Variants in NTM observed in about 807,000 individuals in gnomAD.
The protein encoded by NTM is IgLON family member 2.
A neutral mutation model predicts 42.1 loss-of-function variants in NTM; 13 were observed. The ratio of observed to expected loss-of-function variants is 0.31; its 90% CI spans 0.20 to 0.49. The LOEUF (loss-of-function observed/expected upper bound fraction) is 0.49, where lower values mean the gene tolerates loss of function less well. Among genes scored for constraint, NTM ranks in the 20% least tolerant of loss-of-function variants. NTM has a pLI of 0.99. For synonymous variants in NTM, 187 were observed against 179.2 expected, an observed-to-expected ratio of 1.04 and a Z score of -0.35; for missense variants, 373 against 452.8, an observed-to-expected ratio of 0.82 and a Z score of 1.60.
At chr11:131,854,399 A>G (rs1468881881) in intron 1 of NTM, among the ~76,000 whole-genome samples, 2 of 152,256 alleles carry the variant, frequency 1.3e-5, no homozygotes, top group Non-Finnish European at 2.9e-5. Context: ...AAAGAGATGT[A>G]CAGGATAGCT....
chr11:131,893,004 A>G (rs2051622234), intron 1 of NTM, among the ~76,000 whole-genome samples: 1 of 152,178 alleles, frequency 6.6e-6, no homozygotes, highest in African/African-American at 2.4e-5. Flanking sequence ...TTGGACTTTG[A>G]GCTCTTGTTG....
chr11:132,079,108 A>G (rs10894493), intron 2 of NTM, among the ~76,000 whole-genome samples: 38,632 of 152,110 alleles, frequency 0.25, 5,256 homozygotes, highest in African/African-American at 0.33. Flanking sequence ...TGCTTCTGTT[A>G]CAGAACCAGC....
intron 2 of NTM, among the ~76,000 whole-genome samples, chr11:132,095,969 G>A (rs1014886596): frequency 1.3e-5 from 2 of 152,164 alleles, no homozygotes; most frequent in Non-Finnish European, 2.9e-5. Context: ...TGCCCTAACT[G>A]CTGCAGCATC....
At chr11:131,588,250 A>C (rs2059053704) in intron 1 of NTM, among the ~76,000 whole-genome samples, 1 of 152,266 alleles carries the variant, frequency 6.6e-6, no homozygotes, top group Non-Finnish European at 1.5e-5. Flanking sequence ...AGGCGTCTGC[A>C]CAGGGCTTCC....
intron 2 of NTM, among the ~76,000 whole-genome samples, chr11:131,934,081 C>T (rs1017928309): frequency 6.6e-6 from 1 of 152,150 alleles, no homozygotes; most frequent in African/African-American, 2.4e-5. Flanking sequence ...TTCTAAACAA[C>T]AGCACTGGTC....
intron 3 of NTM, among the ~76,000 whole-genome samples, chr11:132,158,426 C>T (rs892008178): frequency 6.6e-6 from 1 of 152,222 alleles, no homozygotes; most frequent in Non-Finnish European, 1.5e-5. Context: ...CACCCTAGCA[C>T]CTTTCTTGCC....
At chr11:132,113,825 A>G (rs962152394) in intron 2 of NTM, among the ~76,000 whole-genome samples, 2 of 152,184 alleles carry the variant, frequency 1.3e-5, no homozygotes, top group South Asian at 4.1e-4. Flanking sequence ...TGGGAGGACT[A>G]GAGAGACAAA....
In NTM at chr11:131,708,783, G is replaced by C. The variant is rs377461455; in HGVS notation, c.83-202781G>C. Among the ~76,000 whole-genome samples, 294 of 152,244 alleles carry C rather than the reference G, an allele frequency of 1.9e-3. No homozygotes were observed. The Middle Eastern group carries it at 0.02, about 11-fold the overall frequency. ...AATGAACCAAACAACAAAAGCCTTT[G>C]CTCTTCAGAAACTTACATTTTTGCT... On this transcript the variant is annotated intron_variant, in intron 1 of 8. Transcript: ENST00000683400.
chr11:132,058,942 G>A lies in NTM; in HGVS notation c.168-87340G>A, dbSNP rs112929781. On this transcript the variant is annotated intron_variant, in intron 2 of 8. Coordinates refer to ENST00000683400, the MANE Select transcript of NTM (RefSeq NM_001352005.2). ...TGTGTGATAGATATTGTGAAAATGT[G>A]AAGTAGAGGAGGAGTGAGAGGGAAT... is the stretch of plus-strand genomic sequence containing the variant. 8.2e-4 allele frequency among the ~76,000 whole-genome samples: 125 copies of A among 152,332 alleles called. 1 individual carries two copies. Among genetic ancestry groups the A allele is most frequent in the African/African-American group, 2.7e-3 (111 of 41,586 alleles).
intron 5 of NTM, 93 bp downstream of exon 5, chr11:132,307,916 T>C (rs780753266): frequency 6.6e-6 from 8 of 1,212,698 alleles, no homozygotes; most frequent in Non-Finnish European, 9.3e-6. Context: ...AGCCAGCTAC[T>C]GACTTAGGGT....
At chr11:131,878,629 AT>A (rs1355456031) in intron 1 of NTM, among the ~76,000 whole-genome samples, 1 of 111,174 alleles carries the variant, frequency 9.0e-6, no homozygotes, top group African/African-American at 3.4e-5. Flanking sequence ...ATATATATAT[AT>A]ATATATATAT....
At chr11:132,243,548 T>C (rs762647086) in intron 4 of NTM, among the ~76,000 whole-genome samples, 2 of 152,216 alleles carry the variant, frequency 1.3e-5, no homozygotes, top group African/African-American at 4.8e-5. Flanking sequence ...ACAGTGGACA[T>C]TGAAGGGGAA....
At position 132,132,177 on chromosome 11, in the gene NTM, C is replaced by T. The variant is rs7483328; in HGVS notation, c.168-14105C>T. 7.3e-3 allele frequency among the ~76,000 whole-genome samples: 1,119 copies of T among 152,296 alleles called. 55 individuals carry two copies. The highest frequency in any genetic ancestry group is 0.065 in the Admixed American group (993 of 15,304). ...ACTGCCCCGCCCCCATCTGCTCCCC[C>T]AATCCCCGTCAGGATCCTGCCTGCT... On this transcript the variant is annotated intron_variant, in intron 2 of 8. Coordinates refer to ENST00000683400, the MANE Select transcript of NTM (RefSeq NM_001352005.2).
At chr11:132,167,096 C>T (rs1240639422) in intron 3 of NTM, among the ~76,000 whole-genome samples, 1 of 152,176 alleles carries the variant, frequency 6.6e-6, no homozygotes, top group Non-Finnish European at 1.5e-5. Flanking sequence ...TCTGTTCTAT[C>T]TTATTCATTC....
chr11:131,911,395 G>C, intron 1 of NTM, 169 bp from the exon 2 acceptor site: 2 of 1,588,414 alleles, frequency 1.3e-6, no homozygotes, highest in Non-Finnish European at 1.7e-6. Context: ...CCCCGCGCTC[G>C]CTCCGCACCC....
At chr11:131,501,879 G>GTC (rs2046880787) in intron 1 of NTM, among the ~76,000 whole-genome samples, 1 of 104,038 alleles carries the variant, frequency 9.6e-6, no homozygotes, top group African/African-American at 4.8e-5. Context: ...GTGTGTGTGA[G>GTC]TGTGTGTGTG....
intron 1 of NTM, among the ~76,000 whole-genome samples, chr11:131,690,575 A>G (rs1359089263): frequency 1.3e-5 from 2 of 152,232 alleles, no homozygotes; most frequent in African/African-American, 4.8e-5. Flanking sequence ...GCCCTCAGAA[A>G]CATACACCGT....
chr11:131,807,572 G>A (rs913114172), intron 1 of NTM, among the ~76,000 whole-genome samples: 6 of 152,232 alleles, frequency 3.9e-5, no homozygotes, highest in South Asian at 2.1e-4. Flanking sequence ...GTGCTAGAGC[G>A]CCCACTCACA....
At chr11:132,091,704 A>G (rs1006753575) in intron 2 of NTM, among the ~76,000 whole-genome samples, 5 of 150,624 alleles carry the variant, frequency 3.3e-5, no homozygotes, top group Admixed American at 2.0e-4. Flanking sequence ...CTGATCTTGA[A>G]CTCCTGGGCT....
Sources: allele counts gnomAD v4.1 joint callset (sites outside exome capture counted in the v4.1 genomes callset), GRCh38; gene constraint gnomAD v4.1.1; transcripts MANE v1.5; gene names NCBI Gene and HGNC (gene_info 2026-07-23, HGNC 2026-07-21).